Variants in TIAM1 observed in about 807,000 individuals in gnomAD.
TIAM1 encodes the protein rho guanine nucleotide exchange factor TIAM1.
In TIAM1, 65 loss-of-function variants were observed where a neutral mutation model predicts 163.5. That is an observed-to-expected ratio of 0.40 (90% CI 0.33 to 0.49). The LOEUF is 0.49. Among genes scored for constraint, TIAM1 ranks in the 20% least tolerant of loss-of-function variants. TIAM1 has a pLI of 0.77. For missense variants in TIAM1, 1,789 were observed against 2,044.7 expected (o/e 0.87, Z 2.41); for synonymous variants, 833 against 810.1 (o/e 1.03, Z -0.48).
intron 1 of TIAM1, among the ~76,000 whole-genome samples, chr21:31,472,809 G>A (rs1197015142): frequency 2.0e-5 from 3 of 152,250 alleles, no homozygotes; most frequent in African/African-American, 4.8e-5. Flanking sequence ...TAGCTAACAA[G>A]ATTAGTGGAG....
chr21:31,160,264 T>C lies in TIAM1; in HGVS notation c.2991+4698A>G, dbSNP rs57789472. Among the ~76,000 whole-genome samples the C allele has an allele frequency of 0.013, 1,944 of 151,948 alleles. 119 individuals are homozygous for C. The East Asian group carries it at 0.18, about 14-fold the overall frequency. On this transcript the variant is annotated intron_variant, in intron 16 of 27. Transcript: ENST00000541036. ...CATACCAACTCTGAACCTCCCCACG[T>C]CCCCCACCAAAAGCCACAATACAGA...
intron 1 of TIAM1, among the ~76,000 whole-genome samples, chr21:31,475,062 T>TTATTA (rs374227573): frequency 0.15 from 11,135 of 75,636 alleles, 516 homozygotes; most frequent in African/African-American, 0.23. Flanking sequence ...ATTATTATTA[T>TTATTA]TTAGTTTTAG....
chr21:31,464,117 A>G (rs1035281168), intron 1 of TIAM1: 1 of 152,210 alleles, frequency 6.6e-6, no homozygotes, highest in Non-Finnish European at 1.5e-5. Flanking sequence ...TTTATTCCAC[A>G]GAAGAAAAAG....
chr21:31,173,922 C>T (rs1220913900), intron 15 of TIAM1, among the ~76,000 whole-genome samples: 9 of 152,160 alleles, frequency 5.9e-5, no homozygotes, highest in Non-Finnish European at 2.9e-5. Flanking sequence ...GAAGTTACCC[C>T]GCCCCCGGCC....
At chr21:31,222,703 ATATATTTTTTTTT>A (rs1237519164) in intron 8 of TIAM1, among the ~76,000 whole-genome samples, 22 of 43,262 alleles carry the variant, frequency 5.1e-4, no homozygotes, top group African/African-American at 2.1e-3. Flanking sequence ...ATATATATAT[ATATATTTTTTTTT>A]TTTTTTTTTT....
intron 20 of TIAM1, among the ~76,000 whole-genome samples, chr21:31,145,197 A>G (rs1055711450): frequency 4.6e-5 from 7 of 152,210 alleles, no homozygotes; most frequent in Admixed American, 3.9e-4. Context: ...TTTTCATTTG[A>G]GGTTCCACCA....
At position 31,458,830 on chromosome 21, in the gene TIAM1, T is replaced by C. The variant is rs146029944; in HGVS notation, c.-369+5153A>G. The stretch of plus-strand genomic sequence containing the variant: ...GGGAAGCCTGTCCGGGGAGGCGATA[T>C]TTGAGCCAAGACCTGAAGGAAGTGA... On this transcript the variant is annotated intron_variant, in intron 2 of 28. Transcript: ENST00000286827. 1.6e-3 allele frequency among the ~76,000 whole-genome samples: 240 copies of C among 152,116 alleles called. 1 individual carries two copies. Among genetic ancestry groups the C allele is most frequent in the Non-Finnish European group, 2.3e-3 (159 of 67,984 alleles).
intron 1 of TIAM1, among the ~76,000 whole-genome samples, chr21:31,538,064 G>T (rs2048195979): frequency 6.6e-6 from 1 of 152,158 alleles, no homozygotes; most frequent in Non-Finnish European, 1.5e-5. Flanking sequence ...TAGAAATCAG[G>T]ATTGGGGTTG....
chr21:31,175,883 G>C (rs1054126170), intron 15 of TIAM1, among the ~76,000 whole-genome samples: 2 of 152,230 alleles, frequency 1.3e-5, no homozygotes, highest in African/African-American at 4.8e-5. Flanking sequence ...ACAGGTGTGA[G>C]CCACTGCGCC....
At chr21:31,124,121 C>T (rs2082096108) in intron 27 of TIAM1, 2 of 166,926 alleles carry the variant, frequency 1.2e-5, no homozygotes, top group Non-Finnish European at 1.3e-5. Context: ...GGGCTGTGAC[C>T]TTGCTGAAAT....
chr21:31,305,429 A>AAT (rs2074669758), intron 2 of TIAM1, among the ~76,000 whole-genome samples: 1 of 152,070 alleles, frequency 6.6e-6, no homozygotes, highest in African/African-American at 2.4e-5. Context: ...AAATAAAAAA[A>AAT]AAAAAAAAAC....
intron 4 of TIAM1, among the ~76,000 whole-genome samples, chr21:31,264,788 T>C (rs1300125429): frequency 6.6e-6 from 1 of 152,244 alleles, no homozygotes; most frequent in Admixed American, 6.5e-5. Context: ...TACCACCTCC[T>C]ACTGGGCAAT....
intron 6 of TIAM1, among the ~76,000 whole-genome samples, chr21:31,228,244 A>ATCTGAT (rs1569068929): frequency 5.8e-4 from 30 of 51,932 alleles, no homozygotes; most frequent in African/African-American, 1.1e-3. Context: ...AAAAAAAAAA[A>ATCTGAT]AAAAAAAAAA....
intron 13 of TIAM1, among the ~76,000 whole-genome samples, chr21:31,194,088 G>A (rs1363927997): frequency 1.3e-5 from 2 of 152,032 alleles, no homozygotes; most frequent in East Asian, 3.9e-4. Flanking sequence ...AGACCCACTC[G>A]GGCACCCCTC....
intron 26 of TIAM1, 37 bp from the exon 27 acceptor site, chr21:31,124,731 G>T: frequency 2.0e-6 from 3 of 1,506,782 alleles, no homozygotes; most frequent in Non-Finnish European, 2.7e-6. Context: ...AGAGAATCAG[G>T]GCTTAACACA....
chr21:31,423,442 C>A (rs2043656616), intron 2 of TIAM1, among the ~76,000 whole-genome samples: 1 of 151,960 alleles, frequency 6.6e-6, no homozygotes, highest in East Asian at 1.9e-4. Flanking sequence ...GAGTAGCCTA[C>A]CCTCGCTGTC....
chr21:31,369,233 AAG>A (rs1478532143), intron 2 of TIAM1, among the ~76,000 whole-genome samples: 2,419 of 150,528 alleles, frequency 0.016, 163 homozygotes, highest in African/African-American at 0.057. Context: ...CTCAAAAAAA[AAG>A]AAAGAAAGAA....
intron 2 of TIAM1, among the ~76,000 whole-genome samples, chr21:31,438,709 G>GA (rs2044310959): frequency 6.6e-6 from 1 of 152,072 alleles, no homozygotes; most frequent in African/African-American, 2.4e-5. Context: ...ACCCTCCAAA[G>GA]GTCAAAAGTC....
At chr21:31,517,581 G>A (rs745602010) in intron 1 of TIAM1, among the ~76,000 whole-genome samples, 9 of 152,154 alleles carry the variant, frequency 5.9e-5, no homozygotes, top group Non-Finnish European at 1.2e-4. Context: ...CACAGCGGCA[G>A]AGATGGAGCA....
Sources: allele counts gnomAD v4.1 joint callset (sites outside exome capture counted in the v4.1 genomes callset), GRCh38; gene constraint gnomAD v4.1.1; transcripts MANE v1.5; gene names NCBI Gene and HGNC (gene_info 2026-07-23, HGNC 2026-07-21).